The following AFG2A variants were observed in gnomAD, a reference collection of about 807,000 sequenced individuals.
AFG2A encodes the protein AAA ATPase AFG2A.
At chr4:122,936,148 C>G in the AFG2A span, 1 of 1,604,032 alleles carries the variant, frequency 6.2e-7, no homozygotes, top group South Asian at 1.1e-5. Context: ...TTGCTGAAGC[C>G]ACTCTACGGT....
chr4:123,106,659 T>C, the AFG2A span, among the ~76,000 whole-genome samples: 1 of 152,190 alleles, frequency 6.6e-6, no homozygotes, highest in Non-Finnish European at 1.5e-5. Flanking sequence ...CAGACCTGCA[T>C]TGTTATTGCC....
the AFG2A span, among the ~76,000 whole-genome samples, chr4:123,219,438 G>A: frequency 6.6e-6 from 1 of 152,138 alleles, no homozygotes; most frequent in Non-Finnish European, 1.5e-5. Context: ...GACACACCCA[G>A]TAACAATTCT....
At chr4:123,096,020 T>G in the AFG2A span, among the ~76,000 whole-genome samples, 1 of 152,268 alleles carries the variant, frequency 6.6e-6, no homozygotes, top group African/African-American at 2.4e-5. Flanking sequence ...TCTTGGGGAT[T>G]CTGGTGTTTT....
At chr4:123,164,981 T>C in the AFG2A span, among the ~76,000 whole-genome samples, 6 of 152,190 alleles carry the variant, frequency 3.9e-5, no homozygotes, top group Admixed American at 3.9e-4. Flanking sequence ...GACTTAAAAT[T>C]AGTGTTTTCA....
chr4:122,985,287 G>T, the AFG2A span, among the ~76,000 whole-genome samples: 1 of 151,886 alleles, frequency 6.6e-6, no homozygotes, highest in Non-Finnish European at 1.5e-5. Context: ...GTGCCATCAC[G>T]CCTGGCTAAT....
chr4:123,090,545 A>G, the AFG2A span: 2 of 1,611,318 alleles, frequency 1.2e-6, no homozygotes, highest in Non-Finnish European at 1.7e-6. Context: ...GAAGATAAGT[A>G]AAGATATTTT....
the AFG2A span, among the ~76,000 whole-genome samples, chr4:123,058,390 C>T: frequency 1.3e-5 from 2 of 152,084 alleles, no homozygotes; most frequent in South Asian, 2.1e-4. Context: ...TTTGGCAGGC[C>T]GAGGTGGGCG....
At chr4:123,194,369 G>T in the AFG2A span, among the ~76,000 whole-genome samples, 1 of 152,142 alleles carries the variant, frequency 6.6e-6, no homozygotes, top group Non-Finnish European at 1.5e-5. Flanking sequence ...TTGCTAATTT[G>T]TTTTGGGCCC....
chr4:123,056,535 T>A, the AFG2A span: 2 of 990,860 alleles, frequency 2.0e-6, no homozygotes, highest in Non-Finnish European at 2.8e-6. Context: ...GACTTTGGCA[T>A]TTCCGAAGTC....
At chr4:123,118,353 T>TATATA in the AFG2A span, among the ~76,000 whole-genome samples, 1 of 129,856 alleles carries the variant, frequency 7.7e-6, no homozygotes, top group Non-Finnish European at 1.6e-5. Flanking sequence ...ATTATATATA[T>TATATA]TATATATATA....
At chr4:122,949,380 GT>G in the AFG2A span, among the ~76,000 whole-genome samples, 2 of 152,178 alleles carry the variant, frequency 1.3e-5, no homozygotes, top group Admixed American at 1.3e-4. Flanking sequence ...ATGAGGTGCT[GT>G]TGTCGCTGAA....
the AFG2A span, among the ~76,000 whole-genome samples, chr4:123,253,481 A>G: frequency 2.8e-5 from 2 of 71,058 alleles, no homozygotes; most frequent in Admixed American, 3.4e-4. Context: ...GCGAAACTCC[A>G]CCTCAAAAAA....
At chr4:123,122,089 C>T in the AFG2A span, among the ~76,000 whole-genome samples, 1 of 152,192 alleles carries the variant, frequency 6.6e-6, no homozygotes, top group Non-Finnish European at 1.5e-5. Flanking sequence ...CACCGATTTA[C>T]ACATATCACC....
chr4:123,314,241 A>T, the AFG2A span: 1 of 421,896 alleles, frequency 2.4e-6, no homozygotes, highest in Non-Finnish European at 4.1e-6. Flanking sequence ...CAGTGAAAAT[A>T]TCTCTGAGCA....
the AFG2A span, among the ~76,000 whole-genome samples, chr4:123,015,186 C>CTTT: frequency 1.3e-4 from 17 of 132,796 alleles, no homozygotes; most frequent in Non-Finnish European, 2.4e-4. Flanking sequence ...ATTTTTCTTT[C>CTTT]TTTTTTTTTT....
chr4:123,235,028 A>G, the AFG2A span, among the ~76,000 whole-genome samples: 2,015 of 152,298 alleles, frequency 0.013, 15 homozygotes, highest in Non-Finnish European at 0.02. Flanking sequence ...TCACATGCAC[A>G]TATTATTGTT....
chr4:123,200,773 G>A, the AFG2A span, among the ~76,000 whole-genome samples: 3 of 152,202 alleles, frequency 2.0e-5, no homozygotes, highest in African/African-American at 4.8e-5. Flanking sequence ...CCAAGGCAAC[G>A]TAGCTGTGAC....
At chr4:123,228,622 A>G in the AFG2A span, among the ~76,000 whole-genome samples, 1 of 152,052 alleles carries the variant, frequency 6.6e-6, no homozygotes, top group Non-Finnish European at 1.5e-5. Context: ...TTATTTTAAT[A>G]TGCATTATCT....
the AFG2A span, among the ~76,000 whole-genome samples, chr4:122,995,325 CT>C: frequency 6.6e-6 from 1 of 151,956 alleles, no homozygotes; most frequent in Non-Finnish European, 1.5e-5. Context: ...TGATTTGCTT[CT>C]TGTTGTCTAG....
Sources: allele counts gnomAD v4.1 joint callset (sites outside exome capture counted in the v4.1 genomes callset), GRCh38; gene constraint gnomAD v4.1.1; transcripts MANE v1.5; gene names NCBI Gene and HGNC (gene_info 2026-07-23, HGNC 2026-07-21).